The following ERBB2 variants were observed in gnomAD, a reference collection of about 807,000 sequenced individuals.
ERBB2 encodes the protein erb-b2 receptor tyrosine kinase 2.
A neutral mutation model predicts 149.0 loss-of-function variants in ERBB2; 61 were observed. The ratio of observed to expected loss-of-function variants is 0.41; its 90% CI spans 0.33 to 0.51. The LOEUF (loss-of-function observed/expected upper bound fraction) is 0.51, where lower values mean the gene tolerates loss of function less well. Among genes scored for constraint, ERBB2 ranks in the 20% least tolerant of loss-of-function variants. The pLI, the probability that ERBB2 is intolerant of heterozygous loss-of-function variation, is 0.25. For missense variants in ERBB2, 1,205 were observed against 1,655.1 expected, an observed-to-expected ratio of 0.73 and a Z score of 4.72; for synonymous variants, 633 against 678.8, an observed-to-expected ratio of 0.93 and a Z score of 1.05.
intron 16 of ERBB2, chr17:39,720,318 T>C (rs4252642): frequency 2.4e-4 from 40 of 164,830 alleles, no homozygotes; most frequent in South Asian, 8.1e-4. Flanking sequence ...AAATCCAGGA[T>C]GTCTTCAAAG....
chr17:39,706,191 CA>C (rs1054358472), intron 1 of ERBB2, among the ~76,000 whole-genome samples: 44 of 152,202 alleles, frequency 2.9e-4, no homozygotes, highest in Admixed American at 2.7e-3. Flanking sequence ...GGCAGGTATG[CA>C]GGGCTGACGT....
rs550418471 is a variant in ERBB2 at position 39,728,271 on chromosome 17, C to G, written c.*227C>G. On this transcript the variant is annotated 3_prime_UTR_variant, in exon 27 of 27. Transcript: ENST00000269571. ...CAGCACTGGGGAGTCTTTGTGGATT[C>G]TGAGGCCCTGCCCAATGAGACTCTA... 4.3e-6 allele frequency: 2 copies of G among 465,540 alleles called. No homozygotes were observed. The highest frequency in any genetic ancestry group is 6.9e-5 in the Admixed American group (2 of 28,850). 28.8% of individuals were successfully genotyped at this position (465,540 alleles called of 1,614,324 possible). A position where few individuals can be genotyped will look rare whatever the true frequency, so the allele number is the denominator to read the frequency against.
chr17:39,702,515 A>G lies in ERBB2; in HGVS notation c.73+2204A>G, dbSNP rs1298456654. 2.6e-5 allele frequency among the ~76,000 whole-genome samples: 4 copies of G among 152,204 alleles called. 1 individual carries two copies. The highest frequency in any genetic ancestry group is 5.9e-5 in the Non-Finnish European group (4 of 68,036). On this transcript the variant is annotated intron_variant, in intron 1 of 26. Coordinates refer to ENST00000269571, the MANE Select transcript of ERBB2 (RefSeq NM_004448.4). ...TCCTTCATATTTTAATTCCAGTATG[A>G]TTCTTCCAACAGCCTCCTCTCTTTA...
rs777842001 is a variant in ERBB2 at position 39,701,638 on chromosome 17, GGTGTTCCTCAGTT to G, written c.73+1332_73+1344del. ...TGTTATCTCTGCAGGTCTACGCCAG[GGTGTTCCTCAGTT>G]GTGTGGTCTTTGTATTTGTGTGTCT... On this transcript the variant is annotated intron_variant, in intron 1 of 26. Transcript: ENST00000269571. Among the ~76,000 whole-genome samples the G allele has an allele frequency of 1.7e-4, 26 of 152,258 alleles. No individual in the cohort carries two copies. In the Middle Eastern group the frequency reaches 0.01, roughly 60 times the overall value.
At position 39,709,898 on chromosome 17, in the gene ERBB2, C is replaced by A. The variant is rs745551689; in HGVS notation, c.643+17C>A. On this transcript the variant is annotated intron_variant, in intron 5 of 26. Coordinates refer to ENST00000269571, the MANE Select transcript of ERBB2 (RefSeq NM_004448.4). Reference sequence around the variant, plus strand: ...GTCAGAGCCGTGAGTCTCAGGGAGGCCTGGAGTCAGGGAAGGGGAGGGCTG... The same window carrying A: ...GTCAGAGCCGTGAGTCTCAGGGAGGACTGGAGTCAGGGAAGGGGAGGGCTG... 1.9e-6 allele frequency: 3 copies of A among 1,612,450 alleles called. No individual in the cohort carries two copies. The highest frequency in any genetic ancestry group is 2.5e-6 in the Non-Finnish European group (3 of 1,179,236).
intron 4 of ERBB2, 40 bp from the exon 5 acceptor site, chr17:39,709,773 A>G (rs2058686653): frequency 3.8e-6 from 6 of 1,576,496 alleles, no homozygotes; most frequent in Non-Finnish European, 5.2e-6. Context: ...TCTCGCTGTT[A>G]GACATCTCTC....
intron 4 of ERBB2, 75 bp downstream of exon 4, chr17:39,709,527 C>A (rs115269951): frequency 1.3e-6 from 2 of 1,549,166 alleles, no homozygotes; most frequent in South Asian, 1.2e-5. Flanking sequence ...ACTTACAACC[C>A]AGTGCCTGCC....
At chr17:39,711,278 G>A (rs1475599880) in intron 7 of ERBB2, among the ~76,000 whole-genome samples, 1 of 151,886 alleles carries the variant, frequency 6.6e-6, no homozygotes, top group Non-Finnish European at 1.5e-5. Flanking sequence ...TGCAACCTCT[G>A]CCTTCCGCAT....
Position 39,728,039 on chromosome 17 carries a change from G to C in ERBB2, c.3763G>C (p.Val1255Leu), listed in dbSNP as rs755744500. ...NPEYLGLDVP[V>L] is the part of the protein sequence containing the mutation. ...AGAGTACCTGGGTCTGGACGTGCCA[G>C]TGTGAACCAGAAGGCCAAGTCCGCA... The change falls in exon 27 of 27, where the codon GTG becomes CTG. Residue 1255 changes from valine (V) to leucine (L), a missense_variant. Physicochemically the swap from Val to Leu is conservative, Grantham distance 32. Coordinates refer to ENST00000269571, the MANE Select transcript of ERBB2 (RefSeq NM_004448.4). 6.3e-7 allele frequency: 1 copy of C among 1,579,096 alleles called. No individual in the cohort carries two copies. The highest frequency in any genetic ancestry group is 1.1e-5 in the South Asian group (1 of 89,488).
At chr17:39,692,554 C>T (rs561729631), upstream of ERBB2, among the ~76,000 whole-genome samples, 247 of 151,948 alleles carry the variant, frequency 1.6e-3, 1 homozygote, top group Non-Finnish European at 2.3e-3. Flanking sequence ...TATAGGCATG[C>T]GCCTCCACGC....
upstream of ERBB2, among the ~76,000 whole-genome samples, chr17:39,690,333 G>A (rs528451367): frequency 2.7e-4 from 41 of 152,196 alleles, no homozygotes; most frequent in African/African-American, 9.1e-4. Flanking sequence ...TGATCCTCCC[G>A]CCTCAACCTC....
In ERBB2 at chr17:39,728,194, C is replaced by T. The variant is rs2059885668; in HGVS notation, c.*150C>T. The stretch of plus-strand genomic sequence containing the variant: ...AACCTGTCCTAAGGAACCTTCCTTC[C>T]TGCTTGAGTTCCCAGATGGCTGGAA... On this transcript the variant is annotated 3_prime_UTR_variant, in exon 27 of 27. Transcript: ENST00000269571. 3.4e-6 allele frequency: 2 copies of T among 587,014 alleles called. No homozygotes were observed. Among genetic ancestry groups the T allele is most frequent in the African/African-American group, 3.7e-5 (2 of 53,998 alleles). 36.4% of individuals were successfully genotyped at this position (587,014 alleles called of 1,614,324 possible). A position where few individuals can be genotyped will look rare whatever the true frequency, so the allele number is the denominator to read the frequency against.
At chr17:39,718,865 T>C (rs1240579257) in intron 15 of ERBB2, among the ~76,000 whole-genome samples, 1 of 152,242 alleles carries the variant, frequency 6.6e-6, no homozygotes. Context: ...GTGAGCCCTC[T>C]TTTGTATGCC....
upstream of ERBB2, among the ~76,000 whole-genome samples, chr17:39,691,928 C>CAT (rs1459402681): frequency 1.0e-3 from 97 of 93,622 alleles, no homozygotes; most frequent in Middle Eastern, 5.4e-3. Context: ...TATACATATA[C>CAT]ATATACATAT....
chr17:39,719,956 G>T, intron 16 of ERBB2, 122 bp downstream of exon 16: 2 of 892,254 alleles, frequency 2.2e-6, no homozygotes, highest in East Asian at 2.5e-5. Context: ...CTCTTCCACT[G>T]TGGAACCTCC....
Position 39,717,421 on chromosome 17 carries a change from C to A in ERBB2, c.1839C>A (p.Ile613=). The A allele has an allele frequency of 6.2e-7, 1 of 1,613,358 alleles. No homozygotes were observed. Among genetic ancestry groups the A allele is most frequent in the Non-Finnish European group, 8.5e-7 (1 of 1,180,002 alleles). The change falls in exon 15 of 27, where the codon ATC becomes ATA. Residue 613 remains isoleucine (I), a synonymous_variant. Coordinates refer to ENST00000269571, the MANE Select transcript of ERBB2 (RefSeq NM_004448.4). Reference sequence around the variant, plus strand: ...AACCTGACCTCTCCTACATGCCCATCTGGAAGTTTCCAGATGAGGAGGGCG... The same window carrying A: ...AACCTGACCTCTCCTACATGCCCATATGGAAGTTTCCAGATGAGGAGGGCG... ...GVKPDLSYMP[I]WKFPDEEGAC...
intron 7 of ERBB2, 53 bp downstream of exon 7, chr17:39,710,534 C>T (rs2145529036): frequency 1.1e-5 from 18 of 1,603,254 alleles, no homozygotes; most frequent in Non-Finnish European, 1.5e-5. Context: ...AGGTTTGTTT[C>T]TGTAAATGGG....
intron 9 of ERBB2, among the ~76,000 whole-genome samples, chr17:39,714,719 G>A (rs1030835512): frequency 2.6e-5 from 4 of 151,606 alleles, no homozygotes; most frequent in African/African-American, 9.7e-5. Flanking sequence ...GTGGCTCTGG[G>A]AACATGGGCC....
At chr17:39,709,207 T>C (rs1485337066) in intron 3 of ERBB2, 111 bp from the exon 4 acceptor site, 4 of 1,263,114 alleles carry the variant, frequency 3.2e-6, no homozygotes, top group Non-Finnish European at 4.5e-6. Flanking sequence ...CCCTGGGGAA[T>C]CTGGGGGTTG....
Sources: gnomAD v4.1 joint callset for allele counts (sites outside exome capture counted in the v4.1 genomes callset) on GRCh38, gnomAD v4.1.1 for gene constraint, MANE v1.5 for transcripts, NCBI Gene and HGNC (gene_info 2026-07-23, HGNC 2026-07-21) for gene names.